RICTOR: variants seen among roughly 807,000 people sequenced by gnomAD.
RICTOR encodes RPTOR independent companion of MTOR complex 2.
A neutral mutation model predicts 214.9 loss-of-function variants in RICTOR; 49 were observed. The observed-to-expected ratio is 0.23, with a 90% CI of 0.18 to 0.29. The LOEUF is 0.29. Among genes scored for constraint, RICTOR ranks in the 10% least tolerant of loss-of-function variants. RICTOR has a pLI of 1.00. For missense variants in RICTOR, 1,625 were observed against 2,047.0 expected, an observed-to-expected ratio of 0.79 and a Z score of 3.98; for synonymous variants, 717 against 711.3, an observed-to-expected ratio of 1.01 and a Z score of -0.13.
chr5:39,012,701 T>C (rs1754630455), intron 3 of RICTOR, among the ~76,000 whole-genome samples: 1 of 152,196 alleles, frequency 6.6e-6, no homozygotes, highest in African/African-American at 2.4e-5. Context: ...TAAGAACAAA[T>C]CATTGACTAT....
chr5:38,956,474 T>C (rs1485561406), intron 25 of RICTOR, among the ~76,000 whole-genome samples: 1 of 152,086 alleles, frequency 6.6e-6, no homozygotes, highest in African/African-American at 2.4e-5. Context: ...ATGACTTTCT[T>C]CATAAGTCTA....
intron 35 of RICTOR, 99 bp downstream of exon 35, chr5:38,944,814 G>A: frequency 8.3e-7 from 1 of 1,210,404 alleles, no homozygotes; most frequent in Non-Finnish European, 1.2e-6. Flanking sequence ...TTACTGTTTT[G>A]AGACAACTTT....
intron 7 of RICTOR, among the ~76,000 whole-genome samples, chr5:38,988,099 G>C (rs141082572): frequency 1.3e-5 from 2 of 152,170 alleles, no homozygotes; most frequent in African/African-American, 4.8e-5. Context: ...TTTTGCATTT[G>C]CTGAGGAGTG....
At chr5:38,949,550 T>A (rs1187094815) in intron 31 of RICTOR, 162 bp downstream of exon 31, 1 of 1,062,910 alleles carries the variant, frequency 9.4e-7, no homozygotes, top group East Asian at 2.5e-5. Context: ...AGAATCCATT[T>A]CAAGTCATAT....
Position 38,950,491 on chromosome 5 carries a change from T to C in RICTOR, c.3357A>G (p.Lys1119=). 6.2e-7 allele frequency: 1 copy of C among 1,613,510 alleles called. No homozygotes were observed. Among genetic ancestry groups the C allele is most frequent in the South Asian group, 1.1e-5 (1 of 91,064 alleles). The part of the protein sequence containing the change: ...HRSSSDPKGG[K]LSSESKTSNR... ...TGCTTGTCTTACTTTCAGATGATAA[T>C]TTCCCTCCTTTTGGATCACTGCTAC... Residue 1119 remains lysine, a synonymous_variant, in exon 31 of 38, where the codon AAA becomes AAG. Transcript: ENST00000357387.
rs1316846725 is a variant in RICTOR, at chr5:38,949,888, A to G, written c.3960T>C (p.Ser1320=). 4 of 1,613,370 alleles carry G rather than the reference A, an allele frequency of 2.5e-6. No individual in the cohort carries two copies. The highest frequency in any genetic ancestry group is 3.3e-5 in the Admixed American group (2 of 59,918). Residue 1320 remains serine, a synonymous_variant, in exon 31 of 38, where the codon AGT becomes AGC. Transcript: ENST00000357387. ...CAAAAGCATCTCTAGAACTTGTGTA[A>G]CTAAAGTTACAATCTGCTAGACTTT... The part of the protein sequence containing the change: ...TIKSLADCNF[S]YTSSRDAFGY...
chr5:38,975,514 T>C, intron 10 of RICTOR, 23 bp downstream of exon 10: 2 of 1,555,422 alleles, frequency 1.3e-6, no homozygotes, highest in East Asian at 2.2e-5. Context: ...TTGGATGTTA[T>C]AAAGCAATGT....
chr5:39,037,507 C>CA (rs1463639260), intron 2 of RICTOR, among the ~76,000 whole-genome samples: 5 of 151,096 alleles, frequency 3.3e-5, no homozygotes, highest in East Asian at 2.0e-4. Context: ...AAAAACCCTT[C>CA]AAAAAATCAA....
In RICTOR at chr5:38,950,135, C is replaced by A. The variant is rs766110639; in HGVS notation, c.3713G>T (p.Arg1238Leu). The change falls in exon 31 of 38, where the codon CGA becomes CTA. Residue 1238 changes from arginine to leucine, a missense_variant. Physicochemically the swap from Arg to Leu is moderately radical, Grantham distance 102. Coordinates refer to ENST00000357387, the MANE Select transcript of RICTOR (RefSeq NM_152756.5). Reference protein sequence around the residue: ...GISSMSSSPSRETVGVDATTM... With the variant: ...GISSMSSSPSLETVGVDATTM... ...TGTAGCATCTACACCTACTGTCTCTCGTGAAGGACTTGAGCTCATTGAACT... is the reference window on the plus strand; with the variant it reads ...TGTAGCATCTACACCTACTGTCTCTAGTGAAGGACTTGAGCTCATTGAACT... 2 of 1,613,402 alleles carry A rather than the reference C, an allele frequency of 1.2e-6. No homozygotes were observed. The highest frequency in any genetic ancestry group is 1.7e-6 in the Non-Finnish European group (2 of 1,179,636).
At chr5:39,051,226 T>G (rs570282417) in intron 2 of RICTOR, among the ~76,000 whole-genome samples, 2 of 152,184 alleles carry the variant, frequency 1.3e-5, no homozygotes, top group Non-Finnish European at 2.9e-5. Context: ...ATGTCCATGA[T>G]CAAAAGAATG....
chr5:38,994,248 T>C (rs1752998884), intron 6 of RICTOR, among the ~76,000 whole-genome samples: 1 of 151,526 alleles, frequency 6.6e-6, no homozygotes, highest in South Asian at 2.1e-4. Context: ...AAGGTGTATA[T>C]GAAATGTAAA....
In RICTOR at chr5:39,031,729, GA is replaced by G. The variant is rs1388901323; in HGVS notation, c.98-10594del. ...ACAAATACTACAATATATCCAACTA[GA>G]AAAGTTGGATACATATGCGACTTCA... On this transcript the variant is annotated intron_variant, in intron 2 of 37. Transcript: ENST00000357387. Among the ~76,000 whole-genome samples the G allele has an allele frequency of 2.0e-5, 3 of 152,020 alleles. 1 individual carries two copies. Among genetic ancestry groups the G allele is most frequent in the Admixed American group, 2.0e-4 (3 of 15,246 alleles).
intron 2 of RICTOR, among the ~76,000 whole-genome samples, chr5:39,065,442 G>C (rs1188052080): frequency 1.3e-5 from 2 of 152,124 alleles, no homozygotes; most frequent in Admixed American, 6.5e-5. Context: ...TATCCAAACT[G>C]TATCATTCTG....
At chr5:39,050,516 T>C (rs943470279) in intron 2 of RICTOR, among the ~76,000 whole-genome samples, 10 of 152,082 alleles carry the variant, frequency 6.6e-5, no homozygotes, top group African/African-American at 2.4e-4. Context: ...TTTTGTATTT[T>C]TGTAGGGACA....
intron 37 of RICTOR, among the ~76,000 whole-genome samples, 155 bp from the exon 38 acceptor site, chr5:38,942,533 C>G (rs1000672619): frequency 2.0e-5 from 3 of 150,718 alleles, no homozygotes; most frequent in African/African-American, 7.3e-5. Context: ...TCATTGCAAC[C>G]TCTGAGTCCT....
rs190666602 is a variant in RICTOR, at chr5:38,954,724, T to G, written c.2697+50A>C. 117 of 955,208 alleles carry G rather than the reference T, an allele frequency of 1.2e-4. 1 individual carries two copies. The East Asian group carries it at 2.2e-3, about 18-fold the overall frequency. 59.2% of individuals were successfully genotyped at this position (955,208 alleles called of 1,614,324 possible). ...ATATTTTAGCAATGTTAAGATTTTG[T>G]TTTTTTTTTACTATTGTAGCTACTT... On this transcript the variant is annotated intron_variant, in intron 27 of 37. Transcript: ENST00000357387.
chr5:39,070,748 T>C (rs956554211), intron 2 of RICTOR, among the ~76,000 whole-genome samples: 2 of 152,236 alleles, frequency 1.3e-5, no homozygotes, highest in Admixed American at 6.5e-5. Context: ...GAACACTGTA[T>C]CTTTTCAAGT....
At position 39,008,244 on chromosome 5, in the gene RICTOR, C is replaced by G. The variant is rs530477214; in HGVS notation, c.196-4622G>C. 1.6e-4 allele frequency among the ~76,000 whole-genome samples: 25 copies of G among 152,138 alleles called. No individual in the cohort carries two copies. The Middle Eastern group carries it at 0.01, about 63-fold the overall frequency. ...AAAAATTTTTTTAACAACAACTCCT[C>G]TGCGTTTTTGTGTATTTTATAAATG... is the stretch of plus-strand genomic sequence containing the variant. On this transcript the variant is annotated intron_variant, in intron 3 of 37. Transcript: ENST00000357387.
At position 38,950,701 on chromosome 5, in the gene RICTOR, A is replaced by C. The variant is rs1748694650; in HGVS notation, c.3147T>G (p.Asp1049Glu). ...TAGTAGAGCTGCTGCCAAACCGGTC[A>C]TCCTCCAATATGAACATACCTATGA... ...SVPSSMFILE[D>E]DRFGSSSTST... Residue 1049 changes from aspartate (D) to glutamate (E), a missense_variant, in exon 31 of 38, where the codon GAT becomes GAG. By Grantham distance (45) the Asp-to-Glu change is conservative. Around this residue, in one of 5 missense-constraint regions of RICTOR, gnomAD observed 1,214 missense variants for 1,470.5 expected, o/e 0.83. Transcript: ENST00000357387. The C allele has an allele frequency of 1.3e-6, 2 of 1,597,876 alleles. No homozygotes were observed.
Sources: allele counts gnomAD v4.1 joint callset (sites outside exome capture counted in the v4.1 genomes callset), GRCh38; gene constraint gnomAD v4.1.1; regional missense constraint gnomAD v4.1.1; transcripts MANE v1.5; gene names NCBI Gene and HGNC (gene_info 2026-07-23, HGNC 2026-07-21).